The following SLIRP variants were observed in gnomAD, a reference collection of about 807,000 sequenced individuals.
SLIRP encodes SRA stem-loop-interacting RNA-binding protein, mitochondrial.
SLIRP carries 12 observed loss-of-function variants against 13.4 expected under a neutral mutation model. That is an observed-to-expected ratio of 0.89 (90% CI 0.57 to 1.45). The LOEUF (loss-of-function observed/expected upper bound fraction) is 1.45, where lower values mean the gene tolerates loss of function less well. SLIRP is among the 40% of genes most tolerant of loss of function. SLIRP has a pLI of 0.00. For missense variants in SLIRP, 154 were observed against 132.2 expected (o/e 1.17, Z -0.81); for synonymous variants, 55 against 47.1 (o/e 1.17, Z -0.69).
rs2080436197 is a variant in SLIRP, at chr14:77,711,023, A to T, written c.156+127A>T. 2.5e-5 allele frequency: 20 copies of T among 812,956 alleles called. No homozygotes were observed. The Middle Eastern group carries it at 7.8e-4, about 32-fold the overall frequency. The allele number at this position is 812,956 out of a possible 1,614,324, so 50.4% of individuals were successfully genotyped here. A position where few individuals can be genotyped will look rare whatever the true frequency, so the allele number is the denominator to read the frequency against. On this transcript the variant is annotated intron_variant, in intron 2 of 3. Transcript: ENST00000557342. ...GTCAATAATAATTGTACATTTTAAA[A>T]TAACTCAGAGTGTAATTGGATTATT... is the stretch of plus-strand genomic sequence containing the variant.
At chr14:77,710,597 C>A in intron 1 of SLIRP, 1 of 1,498,008 alleles carries the variant, frequency 6.7e-7, no homozygotes, top group Non-Finnish European at 8.9e-7. Context: ...TGAAAACACT[C>A]GATATTTGCT....
At chr14:77,714,783 T>G (rs1006969117) in intron 2 of SLIRP, among the ~76,000 whole-genome samples, 3 of 151,798 alleles carry the variant, frequency 2.0e-5, no homozygotes, top group South Asian at 2.1e-4. Context: ...TAAGATTTTG[T>G]TTTTTTTGGC....
At chr14:77,716,600 C>T (rs2080483114) in intron 3 of SLIRP, among the ~76,000 whole-genome samples, 1 of 144,288 alleles carries the variant, frequency 6.9e-6, no homozygotes, top group South Asian at 2.3e-4. Flanking sequence ...TAAAATCGCG[C>T]CATTGCACTC....
intron 3 of SLIRP, 75 bp from the exon 4 acceptor site, chr14:77,717,421 C>A: frequency 3.2e-6 from 4 of 1,267,082 alleles, no homozygotes; most frequent in South Asian, 1.2e-5. Flanking sequence ...TACTGACTCC[C>A]TAATAAAGTG....
intron 2 of SLIRP, among the ~76,000 whole-genome samples, chr14:77,714,677 G>T (rs546625058): frequency 6.6e-6 from 1 of 152,226 alleles, no homozygotes; most frequent in African/African-American, 2.4e-5. Context: ...AGAAATTGTT[G>T]TATCTACAAT....
Position 77,708,122 on chromosome 14 carries a change from C to T in SLIRP, c.11C>T (p.Ser4Leu), listed in dbSNP as rs932695081. The T allele has an allele frequency of 5.0e-6, 8 of 1,613,978 alleles. No individual in the cohort carries two copies. Among genetic ancestry groups the T allele is most frequent in the Middle Eastern group, 1.6e-4 (1 of 6,068 alleles). Residue 4 changes from serine (S) to leucine (L), a missense_variant, in exon 1 of 4, where the codon TCA becomes TTA. Coordinates refer to ENST00000557342, the MANE Select transcript of SLIRP (RefSeq NM_031210.6). ...TGCTTTAGTCTGAAGATGGCGGCCT[C>T]AGCAGCGAGAGGTGCTGCGGCGCTG... Reference protein sequence around the residue: MAASAARGAAALRR... With the variant: MAALAARGAAALRR...
intron 3 of SLIRP, among the ~76,000 whole-genome samples, chr14:77,717,103 A>G (rs2080491264): frequency 6.6e-6 from 1 of 152,092 alleles, no homozygotes; most frequent in Non-Finnish European, 1.5e-5. Flanking sequence ...TGGGGCTGAA[A>G]TCTTGGCTTA....
At position 77,715,756 on chromosome 14, in the gene SLIRP, T is replaced by C; in HGVS notation, c.157-16T>C. 19 of 1,596,888 alleles carry C rather than the reference T, an allele frequency of 1.2e-5. No individual in the cohort carries two copies. The highest frequency in any genetic ancestry group is 1.6e-5 in the Non-Finnish European group (19 of 1,171,290). Reference sequence around the variant, plus strand: ...GAAGTTCATGATTAATCTTTTCCTATATTTTGAATTTTTAGGACAAGGAGA... The same window carrying C: ...GAAGTTCATGATTAATCTTTTCCTACATTTTGAATTTTTAGGACAAGGAGA... On this transcript the variant is annotated splice_polypyrimidine_tract_variant and intron_variant, in intron 2 of 3. Transcript: ENST00000557342.
At chr14:77,711,573 A>G (rs2080440986) in intron 2 of SLIRP, among the ~76,000 whole-genome samples, 1 of 151,160 alleles carries the variant, frequency 6.6e-6, no homozygotes. Context: ...ATTTTCTTTA[A>G]GAGACAGGGT....
intron 2 of SLIRP, chr14:77,711,652 C>T (rs1280512302): frequency 6.6e-6 from 1 of 152,268 alleles, no homozygotes; most frequent in Admixed American, 6.5e-5. Context: ...GCCTCCCAGG[C>T]TTAGGTGATC....
intron 3 of SLIRP, among the ~76,000 whole-genome samples, chr14:77,716,538 C>T (rs1302564686): frequency 7.2e-6 from 1 of 138,166 alleles, no homozygotes; most frequent in Non-Finnish European, 1.7e-5. Context: ...GTAGTCCCAG[C>T]TACTCAGGAG....
At chr14:77,709,932 G>A (rs941332095) in intron 1 of SLIRP, among the ~76,000 whole-genome samples, 7 of 152,108 alleles carry the variant, frequency 4.6e-5, no homozygotes, top group African/African-American at 1.4e-4. Flanking sequence ...CTGTTTATTG[G>A]TCACTGTAAA....
chr14:77,711,579 A>C (rs1276529599), intron 2 of SLIRP, among the ~76,000 whole-genome samples: 1 of 151,326 alleles, frequency 6.6e-6, no homozygotes, highest in East Asian at 2.0e-4. Context: ...TTTAAGAGAC[A>C]GGGTCTTGTT....
chr14:77,708,317 T>G, intron 1 of SLIRP, 109 bp downstream of exon 1: 1 of 1,089,974 alleles, frequency 9.2e-7, no homozygotes, highest in Non-Finnish European at 1.4e-6. Flanking sequence ...ATTAGGAGAC[T>G]GCTCCTGAGC....
Position 77,708,107 on chromosome 14 carries a change from T to C in SLIRP, c.-5T>C. 1 of 1,613,878 alleles carries C rather than the reference T, an allele frequency of 6.2e-7. No individual in the cohort carries two copies. Among genetic ancestry groups the C allele is most frequent in the Non-Finnish European group, 8.5e-7 (1 of 1,179,996 alleles). ...CTCGGCTCGAGAAGGTGCTTTAGTC[T>C]GAAGATGGCGGCCTCAGCAGCGAGA... On this transcript the variant is annotated 5_prime_UTR_variant, in exon 1 of 4. Coordinates refer to ENST00000557342, the MANE Select transcript of SLIRP (RefSeq NM_031210.6).
chr14:77,717,322 A>G (rs1464838817), intron 3 of SLIRP, among the ~76,000 whole-genome samples, 174 bp from the exon 4 acceptor site: 2 of 152,236 alleles, frequency 1.3e-5, no homozygotes, highest in Non-Finnish European at 2.9e-5. Flanking sequence ...TTAGGGAGTC[A>G]TAATACCAAC....
chr14:77,708,870 A>G (rs1359584261), intron 1 of SLIRP, among the ~76,000 whole-genome samples: 1 of 152,212 alleles, frequency 6.6e-6, no homozygotes, highest in Non-Finnish European at 1.5e-5. Context: ...GTGGACTCCG[A>G]AGCTAGACCG....
At position 77,715,828 on chromosome 14, in the gene SLIRP, A is replaced by C; in HGVS notation, c.213A>C (p.Glu71Asp). The C allele has an allele frequency of 3.1e-6, 5 of 1,614,184 alleles. No individual in the cohort carries two copies. Among genetic ancestry groups the C allele is most frequent in the Non-Finnish European group, 4.2e-6 (5 of 1,180,036 alleles). Residue 71 changes from glutamate (E) to aspartate (D), a missense_variant, in exon 3 of 4, where the codon GAA (glutamate) becomes GAC (aspartate). Glu to Asp is a conservative substitution (Grantham distance 45, BLOSUM62 2). Transcript: ENST00000557342. ...GTTGGGTTCAGTTTTCTTCAGAAGAAGGACTTCGGAATGCACTACAACAGG... is the reference window on the plus strand; with the variant it reads ...GTTGGGTTCAGTTTTCTTCAGAAGACGGACTTCGGAATGCACTACAACAGG... ...GLGWVQFSSE[E>D]GLRNALQQEN...
intron 2 of SLIRP, 61 bp downstream of exon 2, chr14:77,710,957 A>G: frequency 7.3e-7 from 1 of 1,375,812 alleles, no homozygotes; most frequent in East Asian, 2.3e-5. Flanking sequence ...AAAAAAATAG[A>G]ATGAATAAGA....
Sources: gnomAD v4.1 joint callset for allele counts (sites outside exome capture counted in the v4.1 genomes callset) on GRCh38, gnomAD v4.1.1 for gene constraint, MANE v1.5 for transcripts, NCBI Gene and HGNC (gene_info 2026-07-23, HGNC 2026-07-21) for gene names.